COP1: variants seen among roughly 807,000 people sequenced by gnomAD.
The protein encoded by COP1 is COP1 E3 ubiquitin ligase.
Under a neutral mutation model 101.3 loss-of-function variants are expected in COP1, and 24 were observed. The ratio of observed to expected loss-of-function variants is 0.24; its 90% CI spans 0.17 to 0.33. COP1 has a LOEUF of 0.33. Ranked by LOEUF, COP1 falls within the 10% of genes least tolerant of loss-of-function variation. The pLI is 1.00. For missense variants in COP1, 663 were observed against 906.2 expected (o/e 0.73, Z 3.45); for synonymous variants, 347 against 341.9 (o/e 1.01, Z -0.17).
At chr1:176,106,735 C>G (rs1309091267) in intron 9 of COP1, among the ~76,000 whole-genome samples, 11 of 152,144 alleles carry the variant, frequency 7.2e-5, no homozygotes, top group Non-Finnish European at 2.9e-5. Context: ...AATTCTTATC[C>G]CCAAATGCTC....
At chr1:176,116,811 C>T (rs1244269373) in intron 8 of COP1, 130 bp from the exon 9 acceptor site, 2 of 665,704 alleles carry the variant, frequency 3.0e-6, no homozygotes, top group Admixed American at 2.9e-5. Flanking sequence ...TATTTATTGC[C>T]AATCATTAGA....
At chr1:176,008,250 T>A (rs555070794) in intron 15 of COP1, among the ~76,000 whole-genome samples, 1 of 152,158 alleles carries the variant, frequency 6.6e-6, no homozygotes, top group African/African-American at 2.4e-5. Flanking sequence ...GTCTGGCACT[T>A]CCTAGTGAGA....
At chr1:175,984,384 C>T (rs1187826871) in intron 18 of COP1, among the ~76,000 whole-genome samples, 1 of 152,168 alleles carries the variant, frequency 6.6e-6, no homozygotes, top group Non-Finnish European at 1.5e-5. Flanking sequence ...TGCGTGTGCA[C>T]AGAAATAAAG....
chr1:176,175,076 C>T (rs370029601), intron 3 of COP1, among the ~76,000 whole-genome samples: 1 of 152,162 alleles, frequency 6.6e-6, no homozygotes, highest in African/African-American at 2.4e-5. Context: ...GTATTCCTTC[C>T]CAAGTTCTTA....
chr1:176,094,457 C>T (rs1681959655), intron 9 of COP1, among the ~76,000 whole-genome samples: 1 of 151,772 alleles, frequency 6.6e-6, no homozygotes, highest in South Asian at 2.1e-4. Context: ...AGATAGTCTA[C>T]AAGGCCAATC....
At chr1:176,190,444 T>C (rs1052071492) in intron 1 of COP1, among the ~76,000 whole-genome samples, 1 of 151,896 alleles carries the variant, frequency 6.6e-6, no homozygotes, top group Admixed American at 6.6e-5. Context: ...GAAGAAGACA[T>C]TTTTATACCA....
chr1:176,065,819 T>A (rs1675854125), intron 11 of COP1, among the ~76,000 whole-genome samples: 1 of 151,000 alleles, frequency 6.6e-6, no homozygotes, highest in Non-Finnish European at 1.5e-5. Flanking sequence ...GCAATTCTCC[T>A]GCCTGAGCCT....
At chr1:176,085,002 A>G (rs1398155129) in intron 10 of COP1, among the ~76,000 whole-genome samples, 2 of 152,222 alleles carry the variant, frequency 1.3e-5, no homozygotes, top group Admixed American at 6.5e-5. Flanking sequence ...TCTCTACTTC[A>G]TAGATGAGCA....
chr1:175,991,000 C>G lies in COP1; in HGVS notation c.1730-1521G>C, dbSNP rs537212985. ...ATATAATTATTAATAGGTTGCACAT[C>G]TGAAATCAAAAAATCCCAAATCCTT... On this transcript the variant is annotated intron_variant, in intron 15 of 19. Transcript: ENST00000367669. Among the ~76,000 whole-genome samples the G allele has an allele frequency of 3.3e-5, 5 of 152,024 alleles. No individual in the cohort carries two copies. In the South Asian group the frequency reaches 1.0e-3, roughly 32 times the overall value.
chr1:176,007,345 G>C (rs906815411), intron 15 of COP1, among the ~76,000 whole-genome samples: 1 of 152,144 alleles, frequency 6.6e-6, no homozygotes, highest in African/African-American at 2.4e-5. Context: ...CTCTCAGCTC[G>C]TCAAAGTCAT....
intron 8 of COP1, among the ~76,000 whole-genome samples, chr1:176,129,172 T>C (rs1404696446): frequency 1.3e-5 from 2 of 151,862 alleles, no homozygotes. Flanking sequence ...ATCCTACATA[T>C]ATATTTTTAA....
intron 1 of COP1, among the ~76,000 whole-genome samples, chr1:176,187,524 T>C (rs1314665486): frequency 6.6e-6 from 1 of 152,088 alleles, no homozygotes; most frequent in Non-Finnish European, 1.5e-5. Context: ...GTTGGGATTA[T>C]AGGCATGAGC....
intron 9 of COP1, among the ~76,000 whole-genome samples, chr1:176,089,834 A>C (rs1680956871): frequency 6.6e-6 from 1 of 152,216 alleles, no homozygotes; most frequent in Non-Finnish European, 1.5e-5. Context: ...TAAAGAAGGA[A>C]ATCAATATAT....
intron 11 of COP1, among the ~76,000 whole-genome samples, chr1:176,076,979 C>T (rs1678158998): frequency 6.6e-6 from 1 of 151,926 alleles, no homozygotes; most frequent in African/African-American, 2.4e-5. Flanking sequence ...GTAATTTAAA[C>T]AAAACAAAAC....
At chr1:175,990,668 GGTGT>G in intron 15 of COP1, among the ~76,000 whole-genome samples, 1 of 151,996 alleles carries the variant, frequency 6.6e-6, no homozygotes, top group African/African-American at 2.4e-5. Flanking sequence ...TTTGTTTTGA[GGTGT>G]GTTGATAATT....
At chr1:176,113,018 A>G (rs902027682) in intron 9 of COP1, among the ~76,000 whole-genome samples, 6 of 152,182 alleles carry the variant, frequency 3.9e-5, no homozygotes, top group Non-Finnish European at 8.8e-5. Context: ...TAGTGCTGCA[A>G]TTAACATGGG....
intron 13 of COP1, 92 bp from the exon 14 acceptor site, chr1:176,043,359 G>A (rs72713273): frequency 0.037 from 27,085 of 741,916 alleles, 736 homozygotes; most frequent in Non-Finnish European, 0.044. Flanking sequence ...TCAATTTATT[G>A]TTACGGGGAG....
intron 14 of COP1, among the ~76,000 whole-genome samples, chr1:176,036,913 C>T (rs1188850161): frequency 1.3e-5 from 2 of 151,936 alleles, no homozygotes; most frequent in African/African-American, 2.4e-5. Context: ...GACTTTGATG[C>T]CCATAAATCT....
intron 15 of COP1, among the ~76,000 whole-genome samples, chr1:176,013,981 T>C (rs1443420022): frequency 2.6e-5 from 4 of 152,226 alleles, no homozygotes; most frequent in Non-Finnish European, 5.9e-5. Flanking sequence ...TAAGTGCTCT[T>C]TTAATTTTGG....
Sources: allele counts gnomAD v4.1 joint callset (sites outside exome capture counted in the v4.1 genomes callset), GRCh38; gene constraint gnomAD v4.1.1; transcripts MANE v1.5; gene names NCBI Gene and HGNC (gene_info 2026-07-23, HGNC 2026-07-21).